The following MYH7 variants were observed in gnomAD, a reference collection of about 807,000 sequenced individuals.
MYH7 encodes myosin heavy chain 7.
MYH7 carries 129 observed loss-of-function variants against 225.4 expected under a neutral mutation model. That is an observed-to-expected ratio of 0.57 (90% CI 0.50 to 0.66). MYH7 has a LOEUF of 0.66. Among genes scored for constraint, MYH7 ranks in the 30% least tolerant of loss-of-function variants. The pLI, the probability that MYH7 is intolerant of heterozygous loss-of-function variation, is 0.00. For synonymous variants in MYH7, 971 were observed against 1,007.6 expected (o/e 0.96, Z 0.69); for missense variants, 1,649 against 2,517.0 (o/e 0.66, Z 7.38).
At chr14:23,431,957 G>A (rs940961996) in intron 6 of MYH7, 88 bp from the exon 7 acceptor site, 93 of 1,352,842 alleles carry the variant, frequency 6.9e-5, no homozygotes, top group Non-Finnish European at 8.4e-5. Flanking sequence ...GGGCCTACCC[G>A]AGAGTAGGAG....
chr14:23,434,313 T>G, intron 1 of MYH7, 64 bp from the exon 2 acceptor site: 1 of 974,974 alleles, frequency 1.0e-6, no homozygotes, highest in Non-Finnish European at 1.2e-6. Context: ...CCCACCTTCC[T>G]GCTTCTCCCT....
At chr14:23,414,483 AG>A (rs1218621236) in intron 37 of MYH7, among the ~76,000 whole-genome samples, 1 of 152,206 alleles carries the variant, frequency 6.6e-6, no homozygotes. Context: ...AATGCAGGCC[AG>A]GAAAACACTG....
intron 25 of MYH7, chr14:23,421,798 C>T: frequency 1.0e-6 from 1 of 985,410 alleles, no homozygotes; most frequent in Non-Finnish European, 1.2e-6. Flanking sequence ...TCTTGGTGCC[C>T]TGTGGGCTCT....
chr14:23,430,873 T>G lies in MYH7; in HGVS notation c.895+28A>C, dbSNP rs45628742. Reference sequence around the variant, plus strand: ...GGGGACCAGGTTGCCATGGAGATAGTTGGTCTCAGTCGGTGGCTCTGACTC... The same window carrying G: ...GGGGACCAGGTTGCCATGGAGATAGGTGGTCTCAGTCGGTGGCTCTGACTC... On this transcript the variant is annotated intron_variant, in intron 10 of 39. Transcript: ENST00000355349. 943 of 1,546,028 alleles carry G rather than the reference T, an allele frequency of 6.1e-4. 8 individuals carry two copies. The highest frequency in any genetic ancestry group is 4.7e-3 in the Middle Eastern group (28 of 5,950).
chr14:23,413,752 G>A lies in MYH7; in HGVS notation c.5790+7C>T. The A allele has an allele frequency of 1.2e-6, 2 of 1,613,796 alleles. No homozygotes were observed. The highest frequency in any genetic ancestry group is 2.2e-5 in the South Asian group (2 of 91,062). Reference sequence around the variant, plus strand: ...GGTGACTAGCAAAGCCCAAAAGAGGGACCCACCTTCGTGCCAATGTCACGG... The same window carrying A: ...GGTGACTAGCAAAGCCCAAAAGAGGAACCCACCTTCGTGCCAATGTCACGG... On this transcript the variant is annotated splice_region_variant and intron_variant, in intron 39 of 39. Coordinates refer to ENST00000355349, the MANE Select transcript of MYH7 (RefSeq NM_000257.4).
Position 23,425,642 on chromosome 14 carries a change from G to A in MYH7, c.2286+53C>T. On this transcript the variant is annotated intron_variant, in intron 20 of 39. Transcript: ENST00000355349. The surrounding 1 kb of genome is among the most constrained non-coding windows in gnomAD (Gnocchi z 4.6). Reference sequence around the variant, plus strand: ...GATTACAACAGGAAAAGCATCAGAGGAGTCAATGGAAAAGAGATGTCTTCC... The same window carrying A: ...GATTACAACAGGAAAAGCATCAGAGAAGTCAATGGAAAAGAGATGTCTTCC... 1.2e-6 allele frequency: 2 copies of A among 1,612,930 alleles called. No homozygotes were observed. The highest frequency in any genetic ancestry group is 8.5e-7 in the Non-Finnish European group (1 of 1,179,300).
chr14:23,432,986 C>G lies in MYH7; in HGVS notation c.345+98G>C. ...TGTTGGGACGAGGTTAGAGTGTAACCCTGCCTAGACACAAACAGAAGACAC... is the reference window on the plus strand; with the variant it reads ...TGTTGGGACGAGGTTAGAGTGTAACGCTGCCTAGACACAAACAGAAGACAC... On this transcript the variant is annotated intron_variant, in intron 4 of 39. Coordinates refer to ENST00000355349, the MANE Select transcript of MYH7 (RefSeq NM_000257.4). 3.8e-6 allele frequency: 6 copies of G among 1,576,640 alleles called. No individual in the cohort carries two copies. The South Asian group carries it at 5.6e-5, about 15-fold the overall frequency.
Position 23,429,918 on chromosome 14 carries a change from AG to A in MYH7, c.1000-6del. 6.2e-7 allele frequency: 1 copy of A among 1,613,980 alleles called. No homozygotes were observed. The highest frequency in any genetic ancestry group is 8.5e-7 in the Non-Finnish European group (1 of 1,179,994). On this transcript the variant is annotated splice_polypyrimidine_tract_variant and splice_region_variant and intron_variant, in intron 11 of 39. Coordinates refer to ENST00000355349, the MANE Select transcript of MYH7 (RefSeq NM_000257.4). ...GCCCAGCACATCAAAAGCGTTCTGT[AG>A]GGAGGCCCCATATTGGCGGACCCCA...
In MYH7 at chr14:23,425,815, A is replaced by G. The variant is rs1446807021; in HGVS notation, c.2166T>C (p.Tyr722=). Reference sequence around the variant, plus strand: ...GGATGGCCGCTGGGTTCAGGATGCGATACCTGAGGAGGGAAGTGTCCAGAG... The same window carrying G: ...GGATGGCCGCTGGGTTCAGGATGCGGTACCTGAGGAGGGAAGTGTCCAGAG... The part of the protein sequence containing the change: ...RILYGDFRQR[Y]RILNPAAIPE... Residue 722 remains tyrosine (Y), a synonymous_variant, in exon 20 of 40, where the codon TAT becomes TAC. Transcript: ENST00000355349. This position sits in a 1 kb window ranked among gnomAD's most constrained non-coding sequence, Gnocchi z 4.6. The G allele has an allele frequency of 3.1e-6, 5 of 1,613,804 alleles. No individual in the cohort carries two copies. Among genetic ancestry groups the G allele is most frequent in the Non-Finnish European group, 4.2e-6 (5 of 1,179,878 alleles).
intron 6 of MYH7, 80 bp downstream of exon 6, chr14:23,432,399 C>T (rs1011339046): frequency 1.7e-5 from 27 of 1,573,586 alleles, no homozygotes; most frequent in South Asian, 1.0e-4. Flanking sequence ...GTCTATGCCT[C>T]GGGGCCTGGG....
In MYH7 at chr14:23,416,946, A is replaced by G. The variant is rs2754155; in HGVS notation, c.4566T>C (p.Thr1522=). 15,312 of 1,614,212 alleles carry G rather than the reference A, an allele frequency of 9.5e-3. 148 individuals are homozygous for G. Among genetic ancestry groups the G allele is most frequent in the South Asian group, 0.029 (2,651 of 91,088 alleles). The change falls in exon 33 of 40, where the codon ACT becomes ACC. Residue 1522 remains threonine, a synonymous_variant. Coordinates refer to ENST00000355349, the MANE Select transcript of MYH7 (RefSeq NM_000257.4). ...LTEQLGSSGK[T]IHELEKVRKQ... ...TTCGGACCTTCTCCAGCTCATGGAT[A>G]GTCTTTCCGCTGGAACCCAACTGCT...
At position 23,423,602 on chromosome 14, in the gene MYH7, T is replaced by C; in HGVS notation, c.3044A>G (p.Asp1015Gly). Residue 1015 changes from aspartate to glycine, a missense_variant, in exon 24 of 40, where the codon GAC becomes GGC. Transcript: ENST00000355349. ...QALDDLQAEE[D>G]KVNTLTKAKV... ...GGCCTTAGTCAGGGTGTTGACCTTG[T>C]CCTCCTCGGCCTGAAGGTCATCCAG... is the stretch of plus-strand genomic sequence containing the variant. 6.2e-7 allele frequency: 1 copy of C among 1,614,086 alleles called. No homozygotes were observed.
At position 23,425,296 on chromosome 14, in the gene MYH7, CT is replaced by C; in HGVS notation, c.2408del (p.Lys803SerfsTer11). ...RGVLARMEYK[K>X]LLERRDSLLV... ...AGATCTCTCACCTACGTTCCAGCAG[CT>C]TTTTGTACTCCATTCTGGCGAGCAC... On this transcript the variant is annotated frameshift_variant, in exon 21 of 40. Transcript: ENST00000355349. LOFTEE classifies it high-confidence loss of function. The surrounding 1 kb of genome is among the most constrained non-coding windows in gnomAD (Gnocchi z 4.6). 1 of 1,614,182 alleles carries C rather than the reference CT, an allele frequency of 6.2e-7. No homozygotes were observed.
At position 23,430,943 on chromosome 14, in the gene MYH7, T is replaced by C. The variant is rs748692506; in HGVS notation, c.853A>G (p.Ile285Val). Residue 285 changes from isoleucine to valine, a missense_variant, in exon 10 of 40, where the codon ATT becomes GTT. Physicochemically the swap from Ile to Val is conservative, Grantham distance 29 (BLOSUM62 3). Transcript: ENST00000355349. ...FQLKAERDYH[I>V]FYQILSNKKP... ...TTGTTAGACAGGATTTGGTAGAAAA[T>C]GTGATAATCTCTCTCTGCTTTCAGC... The C allele has an allele frequency of 6.2e-7, 1 of 1,613,904 alleles. No individual in the cohort carries two copies. The highest frequency in any genetic ancestry group is 8.5e-7 in the Non-Finnish European group (1 of 1,179,958).
chr14:23,422,522 GGAATAAAT>G (rs1379835704), intron 24 of MYH7, among the ~76,000 whole-genome samples, 197 bp from the exon 25 acceptor site: 1 of 151,788 alleles, frequency 6.6e-6, no homozygotes, highest in African/African-American at 2.4e-5. Context: ...TATAGATAAA[GGAATAAAT>G]GACTGTGGGA....
In MYH7 at chr14:23,425,118, C is replaced by T; in HGVS notation, c.2424-94G>A. On this transcript the variant is annotated intron_variant, in intron 21 of 39. Coordinates refer to ENST00000355349, the MANE Select transcript of MYH7 (RefSeq NM_000257.4). This position sits in a 1 kb window ranked among gnomAD's most constrained non-coding sequence, Gnocchi z 4.6. ...GGAATATCCCATTTCCTTCATCCCT[C>T]CCACCCTTCCTGAGGCCTCTGACCC... is the stretch of plus-strand genomic sequence containing the variant. 1 of 1,607,748 alleles carries T rather than the reference C, an allele frequency of 6.2e-7. No homozygotes were observed. The highest frequency in any genetic ancestry group is 8.5e-7 in the Non-Finnish European group (1 of 1,175,798).
rs727505332 is a variant in MYH7 at position 23,427,669 on chromosome 14, T to A, written c.1804A>T (p.Asn602Tyr). 1.2e-6 allele frequency: 2 copies of A among 1,614,142 alleles called. No individual in the cohort carries two copies. Among genetic ancestry groups the A allele is most frequent in the Non-Finnish European group, 1.7e-6 (2 of 1,180,016 alleles). ...TGATACAAGCCCACGACAGTCTCAT[T>A]GAGAGGATCCTTGTTCTTCTGCAGC... ...GWLQKNKDPL[N>Y]ETVVGLYQKS... Residue 602 changes from asparagine to tyrosine, a missense_variant, in exon 16 of 40, where the codon AAT (asparagine) becomes TAT (tyrosine). By Grantham distance (143) the Asn-to-Tyr change is moderately radical (BLOSUM62 -2). This residue lies in a region of MYH7 where 112 missense variants were observed against 161.9 expected (regional missense o/e 0.69). Transcript: ENST00000355349.
chr14:23,422,086 G>A (rs942352867), intron 25 of MYH7, 94 bp downstream of exon 25: 74 of 1,578,050 alleles, frequency 4.7e-5, no homozygotes, highest in Middle Eastern at 2.3e-4. Context: ...TGGAGGCTGC[G>A]TGAGGTTGTT....
At chr14:23,422,632 C>CTTT (rs33928947) in intron 24 of MYH7, among the ~76,000 whole-genome samples, 38 of 116,112 alleles carry the variant, frequency 3.3e-4, no homozygotes, top group East Asian at 4.7e-4. Context: ...TTCCTTCCTC[C>CTTT]TTTTTTTTTT....
Sources: allele counts gnomAD v4.1 joint callset (sites outside exome capture counted in the v4.1 genomes callset), GRCh38; gene constraint gnomAD v4.1.1; regional missense constraint gnomAD v4.1.1; non-coding constraint Gnocchi (gnomAD v3.1); transcripts MANE v1.5; gene names NCBI Gene and HGNC (gene_info 2026-07-23, HGNC 2026-07-21).